ACYP2: variants seen among roughly 807,000 people sequenced by gnomAD.
The protein encoded by ACYP2 is acylphosphatase 2, also known as acylphosphatase-2.
A neutral mutation model predicts 11.2 loss-of-function variants in ACYP2; 12 were observed. The ratio of observed to expected loss-of-function variants is 1.08; its 90% CI spans 0.69 to 1.74. ACYP2 has a LOEUF of 1.74. ACYP2 is among the 40% of genes most tolerant of loss of function. ACYP2 has a pLI of 0.00. For missense variants in ACYP2, 134 were observed against 101.9 expected, an observed-to-expected ratio of 1.31 and a Z score of -1.35; for synonymous variants, 43 against 32.2, an observed-to-expected ratio of 1.33 and a Z score of -1.13.
intron 6 of ACYP2, among the ~76,000 whole-genome samples, chr2:54,277,751 T>G (rs1688666788): frequency 6.6e-6 from 1 of 152,210 alleles, no homozygotes; most frequent in African/African-American, 2.4e-5. Context: ...GCACAAAGCT[T>G]TCTACAATTA....
At chr2:54,018,773 A>C (rs1300669136) in intron 2 of ACYP2, among the ~76,000 whole-genome samples, 2 of 152,060 alleles carry the variant, frequency 1.3e-5, no homozygotes, top group African/African-American at 4.8e-5. Context: ...TTTTAGACAG[A>C]GTCTTACTCT....
rs796834973 is a variant in ACYP2, at chr2:54,145,777, A to C, written c.404+7029A>C. ...ATCTAATGTTTGACTATATACAGAA[A>C]ACAGAAACTCTATATATCCATCAAT... On this transcript the variant is annotated intron_variant, in intron 6 of 6. Transcript: ENST00000607452. 3.9e-5 allele frequency among the ~76,000 whole-genome samples: 6 copies of C among 152,312 alleles called. 1 individual carries two copies. Among genetic ancestry groups the C allele is most frequent in the African/African-American group, 1.4e-4 (6 of 41,546 alleles).
At chr2:54,167,714 G>A (rs895990996) in intron 6 of ACYP2, among the ~76,000 whole-genome samples, 14 of 152,164 alleles carry the variant, frequency 9.2e-5, no homozygotes, top group African/African-American at 3.1e-4. Context: ...GCTGTATACT[G>A]AAGTATTTGG....
intron 5 of ACYP2, among the ~76,000 whole-genome samples, chr2:54,137,972 A>T (rs990281764): frequency 1.3e-5 from 2 of 152,156 alleles, no homozygotes; most frequent in Non-Finnish European, 2.9e-5. Flanking sequence ...AATAATCGCC[A>T]TTCTGACTGG....
intron 2 of ACYP2, among the ~76,000 whole-genome samples, chr2:54,041,444 G>A (rs926826416): frequency 6.6e-6 from 1 of 152,160 alleles, no homozygotes; most frequent in East Asian, 1.9e-4. Context: ...GGACAGAGAA[G>A]GTGTGAAATA....
In ACYP2 at chr2:54,254,747, G is replaced by A. The variant is rs1687410113; in HGVS notation, c.405-49941G>A. ...AAGACGACCAGGTGAAAGGGGAGCA[G>A]CACAGCCACCAAGGTCTCAATCTTC... On this transcript the variant is annotated intron_variant, in intron 6 of 6. Transcript: ENST00000607452. The A allele has an allele frequency of 7.9e-6, 5 of 629,770 alleles. No homozygotes were observed. In the South Asian group the frequency reaches 1.1e-4, roughly 14 times the overall value. The allele number at this position is 629,770 out of a possible 1,614,324, so 39.0% of individuals were successfully genotyped here.
At chr2:54,297,471 C>A (rs535776949) in intron 6 of ACYP2, among the ~76,000 whole-genome samples, 1 of 152,188 alleles carries the variant, frequency 6.6e-6, no homozygotes, top group East Asian at 1.9e-4. Context: ...GCATTCCAAC[C>A]TGGGTGACAA....
At chr2:54,004,652 G>C (rs1198023270) in intron 2 of ACYP2, among the ~76,000 whole-genome samples, 13 of 149,976 alleles carry the variant, frequency 8.7e-5, no homozygotes, top group South Asian at 8.4e-4. Context: ...CCTTGTGATC[G>C]GCCCGCCTTG....
intron 4 of ACYP2, among the ~76,000 whole-genome samples, chr2:54,068,327 C>G (rs1676850233): frequency 6.6e-6 from 1 of 152,148 alleles, no homozygotes; most frequent in Admixed American, 6.6e-5. Context: ...CTTCCTGGGC[C>G]TCAGGGCTGG....
intron 6 of ACYP2, among the ~76,000 whole-genome samples, chr2:54,180,369 G>A (rs1348339654): frequency 6.6e-6 from 1 of 152,032 alleles, no homozygotes; most frequent in Non-Finnish European, 1.5e-5. Flanking sequence ...GGGTGGGGCT[G>A]AATATCTTAA....
chr2:54,239,193 A>T (rs1323828689), intron 6 of ACYP2, among the ~76,000 whole-genome samples: 1 of 152,128 alleles, frequency 6.6e-6, no homozygotes, highest in Non-Finnish European at 1.5e-5. Flanking sequence ...ACTGGCACCC[A>T]CAGTATTTTG....
intron 6 of ACYP2, among the ~76,000 whole-genome samples, chr2:54,145,573 A>T (rs530505346): frequency 1.1e-4 from 16 of 152,264 alleles, no homozygotes; most frequent in Admixed American, 4.6e-4. Flanking sequence ...TTTCAATAAC[A>T]GTATGCTTTC....
chr2:54,121,865 C>T (rs72906778), intron 4 of ACYP2, among the ~76,000 whole-genome samples: 3 of 152,098 alleles, frequency 2.0e-5, no homozygotes, highest in East Asian at 1.9e-4. Flanking sequence ...TTTCATATCC[C>T]CTACACGGCT....
chr2:54,292,307 CTATGTAGTTA>C (rs1384741881), intron 6 of ACYP2, among the ~76,000 whole-genome samples: 10 of 151,928 alleles, frequency 6.6e-5, no homozygotes, highest in Admixed American at 6.6e-4. Flanking sequence ...AAGCTACTAG[CTATGTAGTTA>C]TTGAACTCTT....
intron 1 of ACYP2, among the ~76,000 whole-genome samples, chr2:53,973,259 G>A (rs187546567): frequency 6.6e-6 from 1 of 152,126 alleles, no homozygotes; most frequent in African/African-American, 2.4e-5. Flanking sequence ...AAGGACAAAT[G>A]GGAAGTGAAT....
intron 2 of ACYP2, among the ~76,000 whole-genome samples, chr2:54,023,453 A>C (rs1446716447): frequency 5.9e-5 from 9 of 152,138 alleles, no homozygotes; most frequent in Non-Finnish European, 1.0e-4. Context: ...TTTTAGAGCA[A>C]CTTTATCATT....
chr2:54,293,853 C>T lies in ACYP2; in HGVS notation c.405-10835C>T, dbSNP rs543612864. On this transcript the variant is annotated intron_variant, in intron 6 of 6. Transcript: ENST00000607452. ...CTGACAAATATTTCAGACATTAAAA[C>T]ATTTGATAATAAAGGAGTCTATGGT... Among the ~76,000 whole-genome samples the T allele has an allele frequency of 2.2e-4, 33 of 152,252 alleles. No homozygotes were observed. The South Asian group carries it at 6.6e-3, about 31-fold the overall frequency.
intron 5 of ACYP2, among the ~76,000 whole-genome samples, chr2:54,137,274 C>CT (rs939871956): frequency 8.6e-5 from 13 of 151,772 alleles, no homozygotes; most frequent in Admixed American, 2.0e-4. Context: ...AATTTTCTTT[C>CT]TTTTTTAAAA....
At chr2:54,119,976 C>G (rs1206341731) in intron 4 of ACYP2, among the ~76,000 whole-genome samples, 1 of 152,116 alleles carries the variant, frequency 6.6e-6, no homozygotes, top group African/African-American at 2.4e-5. Flanking sequence ...TGGGATTTGT[C>G]TGATATTTTT....
Sources: allele counts gnomAD v4.1 joint callset (sites outside exome capture counted in the v4.1 genomes callset), GRCh38; gene constraint gnomAD v4.1.1; transcripts MANE v1.5; gene names NCBI Gene and HGNC (gene_info 2026-07-23, HGNC 2026-07-21).